Variants in OTUD7A observed in about 807,000 individuals in gnomAD.
The protein encoded by OTUD7A is OTU deubiquitinase 7A, also known as OTU domain-containing protein 7A.
OTUD7A carries 12 observed loss-of-function variants against 65.7 expected under a neutral mutation model. That is an observed-to-expected ratio of 0.18 (90% CI 0.12 to 0.30). OTUD7A has a LOEUF of 0.30. Among genes scored for constraint, OTUD7A ranks in the 10% least tolerant of loss-of-function variants. The pLI is 1.00. For synonymous variants in OTUD7A, 641 were observed against 586.3 expected (o/e 1.09, Z -1.35); for missense variants, 1,148 against 1,304.8 (o/e 0.88, Z 1.85).
At chr15:31,490,885 T>A (rs2041309377) in intron 10 of OTUD7A, among the ~76,000 whole-genome samples, 1 of 152,142 alleles carries the variant, frequency 6.6e-6, no homozygotes, top group Non-Finnish European at 1.5e-5. Flanking sequence ...CTAAGGGTCA[T>A]CTTCTGTTAC....
intron 1 of OTUD7A, among the ~76,000 whole-genome samples, chr15:31,749,782 C>T (rs1235866791): frequency 1.3e-5 from 2 of 151,928 alleles, no homozygotes; most frequent in Admixed American, 6.6e-5. Flanking sequence ...TATCTCTCTT[C>T]GTGAATGACA....
intron 5 of OTUD7A, among the ~76,000 whole-genome samples, chr15:31,537,789 T>C (rs966252838): frequency 6.6e-6 from 1 of 152,242 alleles, no homozygotes; most frequent in African/African-American, 2.4e-5. Context: ...ATCCTCTGCA[T>C]TGATCTCAGC....
At chr15:31,606,472 C>T (rs1013604598) in intron 3 of OTUD7A, among the ~76,000 whole-genome samples, 2 of 152,102 alleles carry the variant, frequency 1.3e-5, no homozygotes, top group Admixed American at 6.5e-5. Flanking sequence ...GGATGAATAA[C>T]AAAGTTAACT....
intron 1 of OTUD7A, among the ~76,000 whole-genome samples, chr15:31,851,970 T>C (rs1026724256): frequency 6.6e-6 from 1 of 152,220 alleles, no homozygotes; most frequent in Non-Finnish European, 1.5e-5. Flanking sequence ...GAGATTCTCC[T>C]GCCTCAGCCT....
Position 31,482,155 on chromosome 15 carries a change from C to A in OTUD7A, c.*1139G>T, listed in dbSNP as rs1379933716. Reference sequence around the variant, plus strand: ...AATGTAGGAGGCACCAAAAAAGAGACCGCTCAGGGATCGGGCTGCTCCCTC... The same window carrying A: ...AATGTAGGAGGCACCAAAAAAGAGAACGCTCAGGGATCGGGCTGCTCCCTC... On this transcript the variant is annotated 3_prime_UTR_variant, in exon 13 of 13. Coordinates refer to ENST00000307050, the MANE Select transcript of OTUD7A (RefSeq NM_001382637.1). 1 of 152,164 alleles carries A rather than the reference C, an allele frequency of 6.6e-6. No homozygotes were observed. The highest frequency in any genetic ancestry group is 1.5e-5 in the Non-Finnish European group (1 of 68,028). 9.4% of individuals were successfully genotyped at this position (152,164 alleles called of 1,614,324 possible).
rs59869625 is a variant in OTUD7A at position 31,860,622 on chromosome 15, G to GATAAATATACATATATATATATAT, written c.-100+9884_-100+9885insATATATATATATATGTATATTTAT. The stretch of plus-strand genomic sequence containing the variant: ...TATTCTCCTCGACCCCAGAAGTGGA[G>GATAAATATACATATATATATATAT]ATATATATATATATATATATATGTA... On this transcript the variant is annotated intron_variant, in intron 1 of 12. Transcript: ENST00000307050. 6.1e-3 allele frequency among the ~76,000 whole-genome samples: 163 copies of GATAAATATACATATATATATATAT among 26,852 alleles called. 16 individuals carry two copies. The highest frequency in any genetic ancestry group is 0.032 in the Middle Eastern group (2 of 62). The allele number at this position is 26,852 out of a possible 152,430, so 17.6% of individuals were successfully genotyped here.
chr15:31,647,980 G>T (rs1199968993), intron 3 of OTUD7A, among the ~76,000 whole-genome samples: 1 of 152,096 alleles, frequency 6.6e-6, no homozygotes, highest in East Asian at 1.9e-4. Context: ...CAGGTAATGA[G>T]GGGAGGGACG....
intron 10 of OTUD7A, among the ~76,000 whole-genome samples, chr15:31,501,152 G>A (rs1266728706): frequency 2.6e-5 from 4 of 152,226 alleles, no homozygotes; most frequent in African/African-American, 7.2e-5. Flanking sequence ...GAGCAGGGGT[G>A]AGCAAACTCT....
At position 31,479,953 on chromosome 15, in the gene OTUD7A, C is replaced by T. The variant is rs995155163; in HGVS notation, c.*3341G>A. The T allele has an allele frequency of 6.6e-6, 1 of 152,084 alleles. No individual in the cohort carries two copies. Among genetic ancestry groups the T allele is most frequent in the Admixed American group, 6.5e-5 (1 of 15,270 alleles). 9.4% of individuals were successfully genotyped at this position (152,084 alleles called of 1,614,324 possible). A position where few individuals can be genotyped will look rare whatever the true frequency, so the allele number is the denominator to read the frequency against. ...AAGAGGAAAGGTGCAGTACCAAAAT[C>T]CATGAACAGAAAAAAGGAAATCAAG... On this transcript the variant is annotated 3_prime_UTR_variant, in exon 13 of 13. Coordinates refer to ENST00000307050, the MANE Select transcript of OTUD7A (RefSeq NM_001382637.1).
At chr15:31,622,508 T>C (rs1890821293) in intron 3 of OTUD7A, among the ~76,000 whole-genome samples, 1 of 152,220 alleles carries the variant, frequency 6.6e-6, no homozygotes, top group African/African-American at 2.4e-5. Flanking sequence ...CTTCATATCA[T>C]TCATTTGATC....
At chr15:31,599,055 G>A (rs1027904595) in intron 3 of OTUD7A, among the ~76,000 whole-genome samples, 4 of 152,218 alleles carry the variant, frequency 2.6e-5, no homozygotes, top group Non-Finnish European at 5.9e-5. Context: ...GAGCACCTGG[G>A]GGAAGGGGTG....
intron 3 of OTUD7A, among the ~76,000 whole-genome samples, chr15:31,583,532 C>T (rs1487150253): frequency 6.6e-6 from 1 of 151,828 alleles, no homozygotes; most frequent in Non-Finnish European, 1.5e-5. Context: ...GGGTGGTTTC[C>T]CCCATACTGT....
chr15:31,857,222 A>G (rs1037003806), intron 1 of OTUD7A, among the ~76,000 whole-genome samples: 6 of 152,184 alleles, frequency 3.9e-5, no homozygotes, highest in Non-Finnish European at 1.5e-5. Flanking sequence ...CTGAAGGAAG[A>G]GGGGCTAGGA....
rs116491125 is a variant in OTUD7A, at chr15:31,502,862, C to T, written c.1021+829G>A. On this transcript the variant is annotated intron_variant, in intron 9 of 12. Coordinates refer to ENST00000307050, the MANE Select transcript of OTUD7A (RefSeq NM_001382637.1). ...GGCAGGACCTGTGTCCTACCAGTTC[C>T]CTGGCTACATAACCATCGTGGCCAC... Among the ~76,000 whole-genome samples, 330 of 152,360 alleles carry T rather than the reference C, an allele frequency of 2.2e-3. 1 individual carries two copies. The highest frequency in any genetic ancestry group is 7.5e-3 in the African/African-American group (312 of 41,576).
intron 1 of OTUD7A, among the ~76,000 whole-genome samples, chr15:31,818,938 G>A (rs1007101232): frequency 6.6e-6 from 1 of 152,180 alleles, no homozygotes; most frequent in African/African-American, 2.4e-5. Flanking sequence ...ATGAGAATAA[G>A]TGGAGGACAA....
chr15:31,728,596 A>G (rs1457118750), intron 1 of OTUD7A, among the ~76,000 whole-genome samples: 1 of 152,158 alleles, frequency 6.6e-6, no homozygotes, highest in Non-Finnish European at 1.5e-5. Context: ...TCTTCCCTCA[A>G]CACTCTCAGG....
At chr15:31,806,805 T>C (rs1398211699) in intron 1 of OTUD7A, among the ~76,000 whole-genome samples, 1 of 152,250 alleles carries the variant, frequency 6.6e-6, no homozygotes, top group African/African-American at 2.4e-5. Context: ...GCAGGAGAAC[T>C]GAGTATCTCA....
chr15:31,624,926 G>A (rs929571688), intron 3 of OTUD7A, among the ~76,000 whole-genome samples: 11 of 152,140 alleles, frequency 7.2e-5, no homozygotes, highest in African/African-American at 2.7e-4. Flanking sequence ...GGATCCCTCT[G>A]TGTGGCCCCC....
intron 1 of OTUD7A, among the ~76,000 whole-genome samples, chr15:31,732,736 T>G (rs140166368): frequency 2.0e-5 from 3 of 151,654 alleles, no homozygotes; most frequent in Non-Finnish European, 4.4e-5. Context: ...TAATTCACCC[T>G]AAGTGGAAAG....
Sources: allele counts gnomAD v4.1 joint callset (sites outside exome capture counted in the v4.1 genomes callset), GRCh38; gene constraint gnomAD v4.1.1; transcripts MANE v1.5; gene names NCBI Gene and HGNC (gene_info 2026-07-23, HGNC 2026-07-21).